The following HDAC9 variants were observed in gnomAD, a reference collection of about 807,000 sequenced individuals.
The protein encoded by HDAC9 is MEF-2 interacting transcription repressor (MITR) protein.
In HDAC9, 41 loss-of-function variants were observed where a neutral mutation model predicts 139.4. That is an observed-to-expected ratio of 0.29 (90% CI 0.23 to 0.38). HDAC9 has a LOEUF of 0.38. HDAC9 is among the 10% of genes least tolerant of loss of function. The probability of loss-of-function intolerance (pLI) is 1.00; values close to 1 mark genes in which losing one functional copy is unlikely to be tolerated. For missense variants in HDAC9, 1,147 were observed against 1,297.0 expected, an observed-to-expected ratio of 0.88 and a Z score of 1.78; for synonymous variants, 517 against 476.2, an observed-to-expected ratio of 1.09 and a Z score of -1.12.
At chr7:18,947,353 T>A (rs565317968) in intron 23 of HDAC9, among the ~76,000 whole-genome samples, 2 of 152,034 alleles carry the variant, frequency 1.3e-5, no homozygotes, top group South Asian at 4.1e-4. Flanking sequence ...GATCGAACTC[T>A]AGTAAGACTG....
intron 2 of HDAC9, among the ~76,000 whole-genome samples, chr7:18,277,736 C>T (rs1584969935): frequency 6.6e-6 from 1 of 152,026 alleles, no homozygotes; most frequent in African/African-American, 2.4e-5. Context: ...TTTTCAGGTC[C>T]CATGGTCAAA....
chr7:18,878,038 T>C (rs183870364), intron 22 of HDAC9, among the ~76,000 whole-genome samples: 42 of 152,290 alleles, frequency 2.8e-4, no homozygotes, highest in African/African-American at 9.1e-4. Flanking sequence ...CTTGAAGTTA[T>C]CAGTTTATCT....
At chr7:18,503,306 C>T (rs751223167) in intron 2 of HDAC9, among the ~76,000 whole-genome samples, 3 of 152,074 alleles carry the variant, frequency 2.0e-5, no homozygotes, top group Admixed American at 1.3e-4. Flanking sequence ...AGTAAGTTGG[C>T]AATAAGGAAG....
chr7:18,100,807 C>T (rs749482383), intron 1 of HDAC9, among the ~76,000 whole-genome samples: 3 of 151,948 alleles, frequency 2.0e-5, no homozygotes, highest in Non-Finnish European at 4.4e-5. Context: ...TTGATGGATG[C>T]CAGACATCGT....
chr7:18,838,031 T>C (rs926863157), intron 21 of HDAC9, among the ~76,000 whole-genome samples: 1 of 152,200 alleles, frequency 6.6e-6, no homozygotes, highest in African/African-American at 2.4e-5. Context: ...TCAATGTCCA[T>C]ATTTATTTAA....
At chr7:18,885,208 C>T (rs1800047247) in intron 22 of HDAC9, among the ~76,000 whole-genome samples, 1 of 152,198 alleles carries the variant, frequency 6.6e-6, no homozygotes, top group South Asian at 2.1e-4. Context: ...TAATTCTGGC[C>T]TGGGCCATCA....
At chr7:18,199,956 AAAT>A (rs1791002081) in intron 2 of HDAC9, among the ~76,000 whole-genome samples, 1 of 152,040 alleles carries the variant, frequency 6.6e-6, no homozygotes, top group South Asian at 2.1e-4. Context: ...GAGAGAAAAA[AAAT>A]AATAAGATGT....
chr7:18,407,045 A>AC (rs1031951096), intron 1 of HDAC9, among the ~76,000 whole-genome samples: 18 of 152,290 alleles, frequency 1.2e-4, no homozygotes, highest in African/African-American at 3.8e-4. Flanking sequence ...ATATGTATAG[A>AC]CCCAGCTTAG....
intron 1 of HDAC9, among the ~76,000 whole-genome samples, chr7:18,337,180 TCAAC>T (rs1265837513): frequency 6.6e-6 from 1 of 151,666 alleles, no homozygotes; most frequent in Non-Finnish European, 1.5e-5. Context: ...GAACAGCAAA[TCAAC>T]CAACTTTCAA....
chr7:18,404,177 A>T (rs1354275755), intron 1 of HDAC9, among the ~76,000 whole-genome samples: 2 of 152,168 alleles, frequency 1.3e-5, no homozygotes, highest in African/African-American at 2.4e-5. Flanking sequence ...TACAAATATA[A>T]TGTCGTGTAA....
intron 2 of HDAC9, among the ~76,000 whole-genome samples, chr7:18,273,056 GTTTTTTTTTT>G (rs746089054): frequency 2.4e-4 from 20 of 84,774 alleles, no homozygotes; most frequent in East Asian, 9.4e-4. Flanking sequence ...CCCCTTCTTC[GTTTTTTTTTT>G]TTTTTTTTTT....
chr7:18,666,503 A>G, intron 12 of HDAC9, 27 bp downstream of exon 12: 1 of 1,597,010 alleles, frequency 6.3e-7, no homozygotes, highest in Non-Finnish European at 8.5e-7. Flanking sequence ...TAGCTCCAGG[A>G]TTTGTAATTA....
intron 1 of HDAC9, among the ~76,000 whole-genome samples, chr7:18,314,088 C>T (rs2128628135): frequency 6.6e-6 from 1 of 152,250 alleles, no homozygotes; most frequent in East Asian, 1.9e-4. Context: ...ATCCTCTTTC[C>T]TTAGGCAGCA....
At chr7:18,824,270 G>A (rs765973580) in intron 17 of HDAC9, among the ~76,000 whole-genome samples, 13 of 152,152 alleles carry the variant, frequency 8.5e-5, no homozygotes, top group Non-Finnish European at 1.5e-4. Context: ...CCAGAACTGT[G>A]AGAGAGGCAT....
At chr7:18,547,858 ACCCTCCCTCCCT>A (rs1166744165) in intron 2 of HDAC9, among the ~76,000 whole-genome samples, 1 of 26,694 alleles carries the variant, frequency 3.7e-5, no homozygotes, top group African/African-American at 1.3e-4. Context: ...CTTCCTTCCT[ACCCTCCCTCCCT>A]CCCTCCCTCC....
chr7:18,971,317 C>A (rs1196912060), intron 24 of HDAC9, among the ~76,000 whole-genome samples: 1 of 152,136 alleles, frequency 6.6e-6, no homozygotes, highest in Non-Finnish European at 1.5e-5. Context: ...TGTGCATGTC[C>A]AATTTTAATG....
chr7:18,248,796 C>G (rs917326), intron 2 of HDAC9, among the ~76,000 whole-genome samples: 43,420 of 152,122 alleles, frequency 0.29, 6,652 homozygotes, highest in South Asian at 0.4. Flanking sequence ...ATGCTAAATT[C>G]TGTGGTGCAA....
chr7:18,909,158 T>C (rs867756092), intron 22 of HDAC9, among the ~76,000 whole-genome samples: 4 of 152,064 alleles, frequency 2.6e-5, no homozygotes, highest in Non-Finnish European at 1.5e-5. Flanking sequence ...AGGTTGAGAA[T>C]ATTTTCATAT....
chr7:18,338,626 T>TA (rs2128657773), intron 1 of HDAC9, among the ~76,000 whole-genome samples: 1 of 151,746 alleles, frequency 6.6e-6, no homozygotes, highest in East Asian at 1.9e-4. Flanking sequence ...GATAAATCAA[T>TA]CTTGCATTAT....
Sources: gnomAD v4.1 joint callset for allele counts (sites outside exome capture counted in the v4.1 genomes callset) on GRCh38, gnomAD v4.1.1 for gene constraint, MANE v1.5 for transcripts, NCBI Gene and HGNC (gene_info 2026-07-23, HGNC 2026-07-21) for gene names.